RCOR1: variants seen among roughly 807,000 people sequenced by gnomAD.
The protein encoded by RCOR1 is REST corepressor.
A neutral mutation model predicts 64.0 loss-of-function variants in RCOR1; 12 were observed. The observed-to-expected ratio is 0.19, with a 90% CI of 0.12 to 0.30. The LOEUF (loss-of-function observed/expected upper bound fraction) is 0.30, where lower values mean the gene tolerates loss of function less well. Among genes scored for constraint, RCOR1 ranks in the 10% least tolerant of loss-of-function variants. The probability of loss-of-function intolerance (pLI) is 1.00; values close to 1 mark genes in which losing one functional copy is unlikely to be tolerated. For synonymous variants in RCOR1, 279 were observed against 227.2 expected (o/e 1.23, Z -2.05); for missense variants, 502 against 621.2 (o/e 0.81, Z 2.04).
intron 2 of RCOR1, among the ~76,000 whole-genome samples, chr14:102,653,927 C>T (rs1894648600): frequency 4.6e-5 from 1 of 21,726 alleles, no homozygotes; most frequent in Admixed American, 5.3e-4. Context: ...TTCCTTCTTT[C>T]TTTCTTTCTT....
chr14:102,620,578 C>A (rs970009394), intron 2 of RCOR1, among the ~76,000 whole-genome samples: 1 of 152,114 alleles, frequency 6.6e-6, no homozygotes, highest in African/African-American at 2.4e-5. Flanking sequence ...AAAAATTAGT[C>A]GGGCACAATG....
At chr14:102,653,167 C>G (rs1344399612) in intron 2 of RCOR1, among the ~76,000 whole-genome samples, 1 of 152,116 alleles carries the variant, frequency 6.6e-6, no homozygotes, top group Non-Finnish European at 1.5e-5. Context: ...CATGATCTTC[C>G]TGCCTCGGCC....
chr14:102,699,730 A>G (rs1001363108), intron 3 of RCOR1, among the ~76,000 whole-genome samples: 2 of 150,588 alleles, frequency 1.3e-5, no homozygotes, highest in African/African-American at 4.9e-5. Flanking sequence ...TTTACTGCCT[A>G]CTTCATACAG....
Position 102,652,336 on chromosome 14 carries a change from G to T in RCOR1, c.362-29559G>T, listed in dbSNP as rs114111789. On this transcript the variant is annotated intron_variant, in intron 2 of 11. Coordinates refer to ENST00000262241, the MANE Select transcript of RCOR1 (RefSeq NM_015156.4). The stretch of plus-strand genomic sequence containing the variant: ...ATGCTACACCAAATAAATGCTTGCT[G>T]CGTTAAAGAATGACTTAACAGTGAA... Among the ~76,000 whole-genome samples, 1,423 of 152,336 alleles carry T rather than the reference G, an allele frequency of 9.3e-3. 24 individuals carry two copies. Among genetic ancestry groups the T allele is most frequent in the African/African-American group, 0.032 (1,347 of 41,584 alleles).
chr14:102,724,379 C>T (rs955662123), intron 11 of RCOR1, among the ~76,000 whole-genome samples: 1 of 151,970 alleles, frequency 6.6e-6, no homozygotes, highest in African/African-American at 2.4e-5. Context: ...GGCTGGAGTG[C>T]AGTGGCTCAA....
At chr14:102,712,422 T>A (rs1331260903) in intron 7 of RCOR1, among the ~76,000 whole-genome samples, 1 of 151,996 alleles carries the variant, frequency 6.6e-6, no homozygotes, top group Non-Finnish European at 1.5e-5. Flanking sequence ...AATTTTTTTT[T>A]ATGTCAAATA....
Position 102,593,193 on chromosome 14 carries a change from T to A in RCOR1, c.301+6T>A. ...GTCCAGCGACGAGGAGCACGGTAGGTGGCAGCCGCCCCCGCGGCCCCGGGC... is the reference window on the plus strand; with the variant it reads ...GTCCAGCGACGAGGAGCACGGTAGGAGGCAGCCGCCCCCGCGGCCCCGGGC... On this transcript the variant is annotated splice_donor_region_variant and intron_variant, in intron 1 of 11. Coordinates refer to ENST00000262241, the MANE Select transcript of RCOR1 (RefSeq NM_015156.4). The A allele has an allele frequency of 6.7e-7, 1 of 1,489,320 alleles. No individual in the cohort carries two copies. 92.3% of individuals were successfully genotyped at this position (1,489,320 alleles called of 1,614,324 possible).
At chr14:102,607,404 A>C (rs1327506355) in intron 2 of RCOR1, among the ~76,000 whole-genome samples, 5 of 152,096 alleles carry the variant, frequency 3.3e-5, no homozygotes, top group African/African-American at 1.2e-4. Context: ...TCTTGCATAG[A>C]TGTGTTTTCT....
chr14:102,593,654 CG>C, intron 2 of RCOR1, among the ~76,000 whole-genome samples: 1 of 152,320 alleles, frequency 6.6e-6, no homozygotes, highest in Non-Finnish European at 1.5e-5. Flanking sequence ...AGCTGCGCCT[CG>C]GCCAGGGGTA....
chr14:102,598,327 T>G (rs1047419460), intron 2 of RCOR1, among the ~76,000 whole-genome samples: 2 of 152,210 alleles, frequency 1.3e-5, no homozygotes, highest in African/African-American at 4.8e-5. Flanking sequence ...AAGCAAATGG[T>G]TGGAGCTAAG....
chr14:102,626,949 A>T (rs769808443), intron 2 of RCOR1, among the ~76,000 whole-genome samples: 3 of 152,142 alleles, frequency 2.0e-5, no homozygotes, highest in Non-Finnish European at 4.4e-5. Context: ...AACCATACTG[A>T]TCACTCTGAC....
At chr14:102,712,125 T>C (rs986595981) in intron 7 of RCOR1, among the ~76,000 whole-genome samples, 20 of 152,096 alleles carry the variant, frequency 1.3e-4, no homozygotes, top group African/African-American at 2.4e-5. Context: ...CCTTCCACTA[T>C]GGCCTTGCAA....
chr14:102,644,690 C>T (rs1359600138), intron 2 of RCOR1, among the ~76,000 whole-genome samples: 1 of 152,212 alleles, frequency 6.6e-6, no homozygotes, highest in Admixed American at 6.5e-5. Context: ...GAATCTGTTG[C>T]TTCCTCTGAC....
chr14:102,631,003 A>T (rs1283542320), intron 2 of RCOR1, among the ~76,000 whole-genome samples: 1 of 152,048 alleles, frequency 6.6e-6, no homozygotes, highest in African/African-American at 2.4e-5. Flanking sequence ...CTGATGGCTT[A>T]TGCAGTGGTT....
chr14:102,618,587 C>G (rs1294310691), intron 2 of RCOR1, among the ~76,000 whole-genome samples: 1 of 152,132 alleles, frequency 6.6e-6, no homozygotes, highest in Non-Finnish European at 1.5e-5. Context: ...GTACTCCAGC[C>G]TGGGCAAGAA....
At chr14:102,613,063 T>A (rs1156576633) in intron 2 of RCOR1, among the ~76,000 whole-genome samples, 1 of 151,970 alleles carries the variant, frequency 6.6e-6, no homozygotes, top group Non-Finnish European at 1.5e-5. Context: ...TGTTGTTGTT[T>A]GTTTTGTTTT....
intron 2 of RCOR1, among the ~76,000 whole-genome samples, chr14:102,658,142 T>G (rs1317751158): frequency 6.6e-6 from 1 of 151,892 alleles, no homozygotes; most frequent in Admixed American, 6.6e-5. Context: ...ACCCAGCTAA[T>G]TTTTGTATTT....
rs542433824 is a variant in RCOR1 at position 102,615,083 on chromosome 14, G to A, written c.361+21758G>A. Among the ~76,000 whole-genome samples, 153 of 151,976 alleles carry A rather than the reference G, an allele frequency of 1.0e-3. 1 individual carries two copies. In the South Asian group the frequency reaches 0.011, roughly 11 times the overall value. On this transcript the variant is annotated intron_variant, in intron 2 of 11. Coordinates refer to ENST00000262241, the MANE Select transcript of RCOR1 (RefSeq NM_015156.4). ...CTTGACCTCGTGATGTGCCCGCCTT[G>A]GCCTCCCAAAGTGCTGGGATTACAG... is the stretch of plus-strand genomic sequence containing the variant.
chr14:102,619,515 C>G (rs769678485), intron 2 of RCOR1, among the ~76,000 whole-genome samples: 2 of 137,614 alleles, frequency 1.5e-5, no homozygotes, highest in African/African-American at 5.6e-5. Flanking sequence ...GGTTCTTGCT[C>G]TGTTGCCCAG....
Sources: gnomAD v4.1 joint callset for allele counts (sites outside exome capture counted in the v4.1 genomes callset) on GRCh38, gnomAD v4.1.1 for gene constraint, MANE v1.5 for transcripts, NCBI Gene and HGNC (gene_info 2026-07-23, HGNC 2026-07-21) for gene names.